The following PHF12 variants were observed in gnomAD, a reference collection of about 807,000 sequenced individuals.
PHF12 encodes the protein PHD factor 1.
PHF12 carries 6 observed loss-of-function variants against 99.8 expected under a neutral mutation model. That is an observed-to-expected ratio of 0.06 (90% CI 0.03 to 0.12). The LOEUF is 0.12. PHF12 is among the 10% of genes least tolerant of loss of function. PHF12 has a pLI of 1.00. For synonymous variants in PHF12, 480 were observed against 514.9 expected, an observed-to-expected ratio of 0.93 and a Z score of 0.92; for missense variants, 954 against 1,300.1, an observed-to-expected ratio of 0.73 and a Z score of 4.09.
chr17:28,937,996 A>G (rs2040540076), intron 2 of PHF12, among the ~76,000 whole-genome samples: 1 of 152,088 alleles, frequency 6.6e-6, no homozygotes, highest in South Asian at 2.1e-4. Context: ...ACAACTGCCA[A>G]CTCTGTATTC....
chr17:28,916,398 G>A (rs142689891), intron 7 of PHF12, among the ~76,000 whole-genome samples: 4,583 of 152,282 alleles, frequency 0.03, 117 homozygotes, highest in Middle Eastern at 0.1. Context: ...GTTTCACCAC[G>A]TTGGTCAGGC....
chr17:28,928,025 T>G (rs2040316352), intron 2 of PHF12, among the ~76,000 whole-genome samples: 1 of 152,030 alleles, frequency 6.6e-6, no homozygotes, highest in South Asian at 2.1e-4. Context: ...GCAGAAGAAT[T>G]GCTTGAATTT....
At chr17:28,916,987 G>A (rs1352603656) in intron 7 of PHF12, among the ~76,000 whole-genome samples, 2 of 152,200 alleles carry the variant, frequency 1.3e-5, no homozygotes, top group African/African-American at 4.8e-5. Flanking sequence ...TGAGCGTTAG[G>A]TGAGGGTGGC....
Position 28,950,776 on chromosome 17 carries a change from G to A in PHF12, c.66+119C>T, listed in dbSNP as rs905401671. 1.1e-5 allele frequency: 15 copies of A among 1,427,062 alleles called. No homozygotes were observed. Among genetic ancestry groups the A allele is most frequent in the African/African-American group, 2.9e-5 (2 of 68,838 alleles). 88.4% of individuals were successfully genotyped at this position (1,427,062 alleles called of 1,614,324 possible). A position where few individuals can be genotyped will look rare whatever the true frequency, so the allele number is the denominator to read the frequency against. ...AAGAGGGGAGGGAGAGGCTAGGTGA[G>A]GAAGAATCCCCCTCCCTCGGCCATC... On this transcript the variant is annotated intron_variant, in intron 1 of 14. Transcript: ENST00000332830. The surrounding 1 kb of genome is among the most constrained non-coding windows in gnomAD (Gnocchi z 5.7).
In PHF12 at chr17:28,906,775, G is replaced by GAGAC. The variant is rs1317987676; in HGVS notation, c.2680+77_2680+80dup. On this transcript the variant is annotated intron_variant, in intron 14 of 14. Transcript: ENST00000332830. The surrounding 1 kb of genome is among the most constrained non-coding windows in gnomAD (Gnocchi z 4.2). ...TTGGCCAATAGGACTGGGAAGGCAA[G>GAGAC]AGACAGACCATGGGCAGCAAGTCAG... 1.7e-5 allele frequency: 25 copies of GAGAC among 1,511,168 alleles called. No individual in the cohort carries two copies. The highest frequency in any genetic ancestry group is 2.2e-5 in the Non-Finnish European group (25 of 1,120,652). 93.6% of individuals were successfully genotyped at this position (1,511,168 alleles called of 1,614,324 possible). A position where few individuals can be genotyped will look rare whatever the true frequency, so the allele number is the denominator to read the frequency against.
chr17:28,910,154 G>A, intron 11 of PHF12, 72 bp downstream of exon 11: 1 of 1,599,904 alleles, frequency 6.3e-7, no homozygotes, highest in African/African-American at 1.3e-5. Context: ...GATTCTCCAT[G>A]GAGGCAAGGT....
chr17:28,950,984 C>T lies in PHF12; in HGVS notation c.-24G>A, dbSNP rs764050676. 6 of 1,613,442 alleles carry T rather than the reference C, an allele frequency of 3.7e-6. No homozygotes were observed. The South Asian group carries it at 5.5e-5, about 15-fold the overall frequency. On this transcript the variant is annotated 5_prime_UTR_variant, in exon 1 of 15. Transcript: ENST00000332830. The surrounding 1 kb of genome is among the most constrained non-coding windows in gnomAD (Gnocchi z 5.7). ...ATTCATCCACCTCCCGGGCTGGGTGCTCTCTGCTCCGGCCCCCCCAACCCC... is the reference window on the plus strand; with the variant it reads ...ATTCATCCACCTCCCGGGCTGGGTGTTCTCTGCTCCGGCCCCCCCAACCCC...
In PHF12 at chr17:28,951,317, T is replaced by G; in HGVS notation, c.-357A>C. ...CTGGCGGGCGCTGCCATCCCGGGGC[T>G]GGGGGTATCGGAGGGGGGGTGAGAG... On this transcript the variant is annotated 5_prime_UTR_variant, in exon 1 of 15. Coordinates refer to ENST00000332830, the MANE Select transcript of PHF12 (RefSeq NM_001033561.2). 3 of 1,061,748 alleles carry G rather than the reference T, an allele frequency of 2.8e-6. No individual in the cohort carries two copies. Among genetic ancestry groups the G allele is most frequent in the Non-Finnish European group, 3.4e-6 (3 of 878,378 alleles). The allele number at this position is 1,061,748 out of a possible 1,614,324, so 65.8% of individuals were successfully genotyped here.
intron 2 of PHF12, among the ~76,000 whole-genome samples, chr17:28,934,575 T>C (rs2040471859): frequency 6.6e-6 from 1 of 152,082 alleles, no homozygotes; most frequent in Admixed American, 6.6e-5. Flanking sequence ...CACAATAGTG[T>C]TTGAACCTTT....
chr17:28,911,129 A>C lies in PHF12; in HGVS notation c.2198T>G (p.Phe733Cys). The C allele has an allele frequency of 6.8e-6, 11 of 1,614,110 alleles. No individual in the cohort carries two copies. The highest frequency in any genetic ancestry group is 9.3e-6 in the Non-Finnish European group (11 of 1,180,002). ...MVDLTNSLRA[F>C]MDVNGEIEIN... ...TCACTCACCTCCATTGACATCCATA[A>C]ATGCTCGAAGTGAGTTGGTGAGGTC... is the stretch of plus-strand genomic sequence containing the variant. Residue 733 changes from phenylalanine (F) to cysteine (C), a missense_variant, in exon 10 of 15, where the codon TTT becomes TGT. Physicochemically the swap from Phe to Cys is radical, Grantham distance 205 (BLOSUM62 -2). This residue lies in a region of PHF12 where 143 missense variants were observed against 191.8 expected (regional missense o/e 0.75). Transcript: ENST00000332830.
At chr17:28,916,925 C>T (rs1174371613) in intron 7 of PHF12, among the ~76,000 whole-genome samples, 1 of 152,168 alleles carries the variant, frequency 6.6e-6, no homozygotes, top group African/African-American at 2.4e-5. Flanking sequence ...TTAATCATCC[C>T]CACCTTTACT....
chr17:28,927,649 C>G (rs143642589), intron 2 of PHF12: 1 of 153,178 alleles, frequency 6.5e-6, no homozygotes, highest in East Asian at 1.9e-4. Context: ...TGTCTTATGA[C>G]TTGCTTTGAC....
intron 3 of PHF12, chr17:28,926,755 TA>T: frequency 2.0e-6 from 3 of 1,484,076 alleles, no homozygotes; most frequent in Non-Finnish European, 2.7e-6. Flanking sequence ...CACTAGTGAC[TA>T]AACATGGCTC....
At chr17:28,923,565 C>G (rs566994510) in intron 4 of PHF12, among the ~76,000 whole-genome samples, 5 of 140,212 alleles carry the variant, frequency 3.6e-5, no homozygotes, top group Non-Finnish European at 7.5e-5. Flanking sequence ...GGCTGAAGCA[C>G]GAGAATCGCC....
intron 2 of PHF12, among the ~76,000 whole-genome samples, chr17:28,943,716 C>A (rs1218686584): frequency 6.6e-6 from 1 of 152,156 alleles, no homozygotes; most frequent in Non-Finnish European, 1.5e-5. Context: ...TTATTTACAA[C>A]ACCAAAAAGT....
Position 28,906,803 on chromosome 17 carries a change from C to T in PHF12, c.2680+53G>A. ...ACAGACCATGGGCAGCAAGTCAGAA[C>T]CACCCTGACTGGGGCCTCAGCTTTG... On this transcript the variant is annotated intron_variant, in intron 14 of 14. Transcript: ENST00000332830. The surrounding 1 kb of genome is among the most constrained non-coding windows in gnomAD (Gnocchi z 4.2). The T allele has an allele frequency of 1.3e-6, 2 of 1,549,184 alleles. No homozygotes were observed. Among genetic ancestry groups the T allele is most frequent in the Non-Finnish European group, 1.7e-6 (2 of 1,144,570 alleles).
At chr17:28,946,008 C>T (rs1477072814) in intron 2 of PHF12, among the ~76,000 whole-genome samples, 1 of 152,086 alleles carries the variant, frequency 6.6e-6, no homozygotes, top group African/African-American at 2.4e-5. Flanking sequence ...TGGTGGCGTG[C>T]GCCTGTAATC....
At chr17:28,943,621 C>T (rs2040663306) in intron 2 of PHF12, among the ~76,000 whole-genome samples, 1 of 151,220 alleles carries the variant, frequency 6.6e-6, no homozygotes, top group South Asian at 2.1e-4. Flanking sequence ...CGAAGCTAGA[C>T]TCTGTCTCAA....
chr17:28,912,368 AC>A, intron 9 of PHF12, 113 bp downstream of exon 9: 1 of 1,438,464 alleles, frequency 7.0e-7, no homozygotes, highest in Non-Finnish European at 9.1e-7. Context: ...GACAAACAAT[AC>A]AAAGGCCAAA....
Sources: gnomAD v4.1 joint callset for allele counts (sites outside exome capture counted in the v4.1 genomes callset) on GRCh38, gnomAD v4.1.1 for gene constraint, gnomAD v4.1.1 regional missense constraint, Gnocchi (gnomAD v3.1) non-coding constraint, MANE v1.5 for transcripts, NCBI Gene and HGNC (gene_info 2026-07-23, HGNC 2026-07-21) for gene names.